The following MBP variants were observed in gnomAD, a reference collection of about 807,000 sequenced individuals.
MBP encodes myelin basic protein, also known as Golli-MBP.
In MBP, 16 loss-of-function variants were observed where a neutral mutation model predicts 35.8. That is an observed-to-expected ratio of 0.45 (90% confidence interval 0.30 to 0.68). MBP has a LOEUF of 0.68. MBP is among the 30% of genes least tolerant of loss of function. The pLI is 0.08. For missense variants in MBP, 380 were observed against 404.7 expected (o/e 0.94, Z 0.52); for synonymous variants, 143 against 159.6 (o/e 0.90, Z 0.78).
At chr18:77,004,239 T>C (rs1970787858) in intron 4 of MBP, 1 of 151,712 alleles carries the variant, frequency 6.6e-6, no homozygotes, top group Admixed American at 6.6e-5. Context: ...AGTTAAATAA[T>C]AGCTTCCTCT....
At chr18:77,019,167 G>T (rs541254507) in intron 3 of MBP, among the ~76,000 whole-genome samples, 1 of 152,216 alleles carries the variant, frequency 6.6e-6, no homozygotes, top group African/African-American at 2.4e-5. Flanking sequence ...CCTTGTCCTC[G>T]TGAAACCTAC....
chr18:77,036,697 G>C (rs567701676), intron 3 of MBP, among the ~76,000 whole-genome samples: 28 of 146,994 alleles, frequency 1.9e-4, no homozygotes, highest in African/African-American at 6.1e-4. Flanking sequence ...AGCTGAGCAA[G>C]TGCTGGTCAC....
intron 3 of MBP, among the ~76,000 whole-genome samples, chr18:77,060,156 C>G (rs973155844): frequency 1.3e-5 from 2 of 152,180 alleles, no homozygotes; most frequent in African/African-American, 4.8e-5. Flanking sequence ...CGCCATTTCT[C>G]TATTTTGTTT....
chr18:77,024,652 A>G (rs974963183), intron 3 of MBP, among the ~76,000 whole-genome samples: 1 of 152,212 alleles, frequency 6.6e-6, no homozygotes, highest in African/African-American at 2.4e-5. Context: ...TGGGCGACGG[A>G]GAATCGGCCG....
chr18:76,991,408 T>TGACACAGGGGACAC (rs1969908545), intron 4 of MBP, among the ~76,000 whole-genome samples: 1 of 151,934 alleles, frequency 6.6e-6, no homozygotes, highest in Non-Finnish European at 1.5e-5. Flanking sequence ...ACAGGGGACA[T>TGACACAGGGGACAC]GGGGGCAGGT....
intron 2 of MBP, among the ~76,000 whole-genome samples, chr18:77,081,950 C>T (rs1424212344): frequency 6.6e-6 from 1 of 151,808 alleles, no homozygotes; most frequent in Non-Finnish European, 1.5e-5. Flanking sequence ...CTCCCGGGTT[C>T]ACGCCATTCT....
At chr18:76,999,738 C>T (rs1568277303) in intron 4 of MBP, among the ~76,000 whole-genome samples, 1 of 152,066 alleles carries the variant, frequency 6.6e-6, no homozygotes, top group African/African-American at 2.4e-5. Context: ...TGTGAGCCAC[C>T]GTGAGCCACC....
chr18:77,112,371 T>A (rs774984893), intron 1 of MBP, among the ~76,000 whole-genome samples: 1 of 152,202 alleles, frequency 6.6e-6, no homozygotes, highest in East Asian at 1.9e-4. Flanking sequence ...CATGTCCTGA[T>A]TGCGTGTTCA....
chr18:77,038,248 T>G (rs1050364457), intron 3 of MBP, among the ~76,000 whole-genome samples: 1 of 152,182 alleles, frequency 6.6e-6, no homozygotes, highest in African/African-American at 2.4e-5. Flanking sequence ...AAAAGAAACA[T>G]GTTGGCAAAT....
At chr18:77,060,775 G>T (rs955410567) in intron 3 of MBP, among the ~76,000 whole-genome samples, 7 of 152,134 alleles carry the variant, frequency 4.6e-5, no homozygotes, top group African/African-American at 1.7e-4. Flanking sequence ...ATGGGCCCTT[G>T]CAACAATTCT....
At position 77,103,576 on chromosome 18, in the gene MBP, G is replaced by A. The variant is rs1035112121; in HGVS notation, c.51+1635C>T. 2.6e-5 allele frequency among the ~76,000 whole-genome samples: 4 copies of A among 152,280 alleles called. No individual in the cohort carries two copies. In the East Asian group the frequency reaches 5.8e-4, roughly 22 times the overall value. On this transcript the variant is annotated intron_variant, in intron 2 of 8. Coordinates refer to ENST00000355994, the MANE Select transcript of MBP (RefSeq NM_001025101.2). Reference sequence around the variant, plus strand: ...GAATTTCATAATCTCTTCCCTCTCCGAGAACCTCCTGATACTTCTGGGAAC... The same window carrying A: ...GAATTTCATAATCTCTTCCCTCTCCAAGAACCTCCTGATACTTCTGGGAAC...
At chr18:77,010,232 G>C in intron 4 of MBP, 1 of 405,370 alleles carries the variant, frequency 2.5e-6, no homozygotes, top group Non-Finnish European at 4.5e-6. Flanking sequence ...CTATTCTGAG[G>C]CCCTGTATCA....
At chr18:77,070,371 A>G (rs1974391740) in intron 2 of MBP, among the ~76,000 whole-genome samples, 1 of 152,184 alleles carries the variant, frequency 6.6e-6, no homozygotes, top group Non-Finnish European at 1.5e-5. Flanking sequence ...GTGGGAGCTG[A>G]CCTATGTAAG....
chr18:77,020,922 A>G lies in MBP; in HGVS notation c.140-3654T>C, dbSNP rs558005693. Among the ~76,000 whole-genome samples, 17 of 152,388 alleles carry G rather than the reference A, an allele frequency of 1.1e-4. No individual in the cohort carries two copies. The highest frequency in any genetic ancestry group is 2.1e-4 in the South Asian group (1 of 4,834). On this transcript the variant is annotated intron_variant, in intron 3 of 8. Transcript: ENST00000355994. The surrounding 1 kb of genome is among the most constrained non-coding windows in gnomAD (Gnocchi z 4.1). ...ACAATTACTAAGAGGCAGGAAAGTC[A>G]TAAAGACGTTGGTGAGGAAAAGATG...
At chr18:77,038,543 G>A (rs1972863660) in intron 3 of MBP, among the ~76,000 whole-genome samples, 1 of 152,202 alleles carries the variant, frequency 6.6e-6, no homozygotes, top group Non-Finnish European at 1.5e-5. Flanking sequence ...TGGGTCCTGG[G>A]AATGACAGGA....
At chr18:77,033,643 C>T (rs1972623215) in intron 3 of MBP, among the ~76,000 whole-genome samples, 1 of 151,906 alleles carries the variant, frequency 6.6e-6, no homozygotes, top group African/African-American at 2.4e-5. Flanking sequence ...ATCTATTCGT[C>T]CACCCATCTA....
intron 7 of MBP, chr18:76,986,472 A>G: frequency 1.0e-6 from 1 of 985,486 alleles, no homozygotes; most frequent in Non-Finnish European, 1.2e-6. Flanking sequence ...CCCACCATAC[A>G]AGCTACTTGC....
In MBP at chr18:77,095,074, G is replaced by A. The variant is rs575099237; in HGVS notation, c.51+10137C>T. ...ATGCACTTCTGCCTACTAAGAGATC[G>A]TCTAATATTCTGCTATTGAGTTCAA... On this transcript the variant is annotated intron_variant, in intron 2 of 8. Transcript: ENST00000355994. 4.0e-4 allele frequency among the ~76,000 whole-genome samples: 61 copies of A among 152,298 alleles called. 1 individual carries two copies. The highest frequency in any genetic ancestry group is 3.4e-3 in the Admixed American group (52 of 15,292).
intron 3 of MBP, among the ~76,000 whole-genome samples, chr18:77,062,510 C>CA (rs1555723239): frequency 4.8e-5 from 4 of 83,486 alleles, no homozygotes; most frequent in South Asian, 4.1e-4. Context: ...AGAAAGCTGT[C>CA]GAAAAAAAAA....
Sources: allele counts gnomAD v4.1 joint callset (sites outside exome capture counted in the v4.1 genomes callset), GRCh38; gene constraint gnomAD v4.1.1; non-coding constraint Gnocchi (gnomAD v3.1); transcripts MANE v1.5; gene names NCBI Gene and HGNC (gene_info 2026-07-23, HGNC 2026-07-21).